The following SLC26A5 variants were observed in gnomAD, a reference collection of about 807,000 sequenced individuals.
The protein encoded by SLC26A5 is prestin.
Under a neutral mutation model 81.0 loss-of-function variants are expected in SLC26A5, and 51 were observed. The observed-to-expected ratio is 0.63, with a 90% CI of 0.50 to 0.80. SLC26A5 has a LOEUF of 0.80. Among genes scored for constraint, SLC26A5 ranks in the 30% least tolerant of loss-of-function variants. SLC26A5 has a pLI of 0.00. For missense variants in SLC26A5, 771 were observed against 905.8 expected, an observed-to-expected ratio of 0.85 and a Z score of 1.91; for synonymous variants, 325 against 332.8, an observed-to-expected ratio of 0.98 and a Z score of 0.25.
At chr7:103,382,005 C>T (rs947266730) in intron 14 of SLC26A5, among the ~76,000 whole-genome samples, 2 of 152,034 alleles carry the variant, frequency 1.3e-5, no homozygotes, top group African/African-American at 4.8e-5. Flanking sequence ...CTATACCTCC[C>T]CTCCCCCCAA....
intron 19 of SLC26A5, chr7:103,355,907 GTAAA>G: frequency 2.8e-6 from 2 of 713,218 alleles, no homozygotes; most frequent in Non-Finnish European, 4.3e-6. Flanking sequence ...CAAATTCCAA[GTAAA>G]TAAAGCTTTC....
At chr7:103,360,842 T>C (rs1346210319) in intron 19 of SLC26A5, among the ~76,000 whole-genome samples, 1 of 152,208 alleles carries the variant, frequency 6.6e-6, no homozygotes, top group Non-Finnish European at 1.5e-5. Flanking sequence ...CCGGGTGCAA[T>C]GGCTCACGCC....
chr7:103,411,017 A>G (rs991053399), intron 6 of SLC26A5, among the ~76,000 whole-genome samples: 1 of 152,170 alleles, frequency 6.6e-6, no homozygotes. Flanking sequence ...AAACAATGGA[A>G]GGTCTGGAGT....
At chr7:103,387,084 C>G (rs1055536061) in intron 14 of SLC26A5, among the ~76,000 whole-genome samples, 1 of 152,298 alleles carries the variant, frequency 6.6e-6, no homozygotes, top group African/African-American at 2.4e-5. Context: ...ATTTTAAAAC[C>G]ATAATGTTCA....
chr7:103,365,780 T>TA (rs1204162077), intron 19 of SLC26A5, among the ~76,000 whole-genome samples: 1 of 150,630 alleles, frequency 6.6e-6, no homozygotes, highest in Non-Finnish European at 1.5e-5. Flanking sequence ...ATACAAAAAT[T>TA]AGCGGGGTGT....
intron 14 of SLC26A5, among the ~76,000 whole-genome samples, chr7:103,382,346 C>CTTTTTT (rs755840628): frequency 1.7e-5 from 2 of 114,348 alleles, no homozygotes; most frequent in African/African-American, 3.5e-5. Flanking sequence ...GCCCTATTTC[C>CTTTTTT]TTTTTTTTTT....
chr7:103,355,923 A>G (rs904438383), intron 19 of SLC26A5: 3 of 618,462 alleles, frequency 4.9e-6, no homozygotes, highest in African/African-American at 3.6e-5. Context: ...AAAGCTTTCT[A>G]CAAAACTGGG....
At chr7:103,353,871 T>G in intron 19 of SLC26A5, 1 of 1,517,772 alleles carries the variant, frequency 6.6e-7, no homozygotes, top group South Asian at 1.2e-5. Flanking sequence ...TTTTAAAAAT[T>G]TTAATTCTAG....
chr7:103,427,757 C>A (rs1825801493), intron 2 of SLC26A5, among the ~76,000 whole-genome samples: 1 of 152,002 alleles, frequency 6.6e-6, no homozygotes, highest in Non-Finnish European at 1.5e-5. Flanking sequence ...GTTGTTATGG[C>A]AGGGTCAACT....
intron 5 of SLC26A5, among the ~76,000 whole-genome samples, chr7:103,412,689 A>C (rs1824596772): frequency 6.6e-6 from 1 of 151,594 alleles, no homozygotes; most frequent in Admixed American, 6.6e-5. Flanking sequence ...AGCTGGGATT[A>C]CAGTCACCCC....
intron 8 of SLC26A5, among the ~76,000 whole-genome samples, chr7:103,404,292 C>T (rs1823850531): frequency 6.6e-6 from 1 of 152,138 alleles, no homozygotes; most frequent in South Asian, 2.1e-4. Flanking sequence ...ATGCTTTTTA[C>T]ATTTTCATTT....
intron 2 of SLC26A5, among the ~76,000 whole-genome samples, chr7:103,423,574 A>T (rs1825513404): frequency 1.3e-5 from 2 of 152,148 alleles, no homozygotes; most frequent in Admixed American, 6.5e-5. Context: ...GGATTAAGTT[A>T]TAAAAAGACT....
At chr7:103,391,331 A>C (rs1349707804) in intron 11 of SLC26A5, among the ~76,000 whole-genome samples, 1 of 152,200 alleles carries the variant, frequency 6.6e-6, no homozygotes, top group African/African-American at 2.4e-5. Context: ...TACTGCCCAT[A>C]CTCAGTCTCA....
rs1820755730 is a variant in SLC26A5, at chr7:103,367,066, C to T, written c.2041+9742G>A. 6.6e-6 allele frequency among the ~76,000 whole-genome samples: 1 copy of T among 152,146 alleles called. No individual in the cohort carries two copies. The highest frequency in any genetic ancestry group is 2.4e-5 in the African/African-American group (1 of 41,438). On this transcript the variant is annotated intron_variant, in intron 19 of 19. Transcript: ENST00000339444. The surrounding 1 kb of genome is among the most constrained non-coding windows in gnomAD (Gnocchi z 6.1). ...GTTATTTTAACTAATCTCTGAGCCTCAGTTTGCTCATCTTATAAAGGGAAT... is the reference window on the plus strand; with the variant it reads ...GTTATTTTAACTAATCTCTGAGCCTTAGTTTGCTCATCTTATAAAGGGAAT...
intron 4 of SLC26A5, among the ~76,000 whole-genome samples, chr7:103,418,584 A>C (rs1825102138): frequency 6.6e-6 from 1 of 152,200 alleles, no homozygotes. Flanking sequence ...ATCTGTCCCA[A>C]ATCTGCTTTA....
chr7:103,397,709 T>C (rs1378579582), intron 9 of SLC26A5, among the ~76,000 whole-genome samples: 1 of 124,742 alleles, frequency 8.0e-6, no homozygotes, highest in Non-Finnish European at 1.8e-5. Context: ...AGAGTGAGAC[T>C]TCGTCTCAAA....
intron 4 of SLC26A5, among the ~76,000 whole-genome samples, chr7:103,414,053 T>C (rs926053543): frequency 2.0e-5 from 3 of 152,130 alleles, no homozygotes; most frequent in Admixed American, 6.5e-5. Flanking sequence ...AAATGTACAA[T>C]GACAGGTAGC....
Position 103,421,415 on chromosome 7 carries a change from T to C in SLC26A5, c.100A>G (p.Thr34Ala). ...ATGGAATCAGGAACCTTGTCCTTTG[T>C]GTGTAGTCTTTCCTGGAGGACCGGA... ...SHPVLQERLH[T>A]KDKVPDSIAD... The change falls in exon 3 of 20, where the codon ACA becomes GCA. Residue 34 changes from threonine to alanine, a missense_variant. Coordinates refer to ENST00000306312, the MANE Select transcript of SLC26A5 (RefSeq NM_198999.3). The C allele has an allele frequency of 6.2e-7, 1 of 1,614,138 alleles. No individual in the cohort carries two copies. Among genetic ancestry groups the C allele is most frequent in the Non-Finnish European group, 8.5e-7 (1 of 1,179,994 alleles).
intron 12 of SLC26A5, among the ~76,000 whole-genome samples, chr7:103,389,759 C>A (rs1403718753): frequency 1.3e-5 from 2 of 152,102 alleles, no homozygotes. Flanking sequence ...ACTAGAATAG[C>A]TGAGACTACA....
Sources: gnomAD v4.1 joint callset for allele counts (sites outside exome capture counted in the v4.1 genomes callset) on GRCh38, gnomAD v4.1.1 for gene constraint, Gnocchi (gnomAD v3.1) non-coding constraint, MANE v1.5 for transcripts, NCBI Gene and HGNC (gene_info 2026-07-23, HGNC 2026-07-21) for gene names.